SYNJ1: variants seen among roughly 807,000 people sequenced by gnomAD.
SYNJ1 encodes the protein synaptojanin 1, also known as polyphosphatidylinositol phosphatase SYNJ1.
SYNJ1 carries 78 observed loss-of-function variants against 168.2 expected under a neutral mutation model. That is an observed-to-expected ratio of 0.46 (90% CI 0.39 to 0.56). SYNJ1 has a LOEUF of 0.56. Among genes scored for constraint, SYNJ1 ranks in the 20% least tolerant of loss-of-function variants. SYNJ1 has a pLI of 0.00. For missense variants in SYNJ1, 1,303 were observed against 1,597.6 expected (o/e 0.82, Z 3.14); for synonymous variants, 539 against 548.6 (o/e 0.98, Z 0.24).
intron 15 of SYNJ1, among the ~76,000 whole-genome samples, chr21:32,668,664 T>C (rs1235264243): frequency 6.6e-6 from 1 of 152,222 alleles, no homozygotes; most frequent in African/African-American, 2.4e-5. Context: ...TCATAAAAGA[T>C]GGGAAACTGC....
intron 31 of SYNJ1, among the ~76,000 whole-genome samples, chr21:32,636,098 A>T (rs2039554777): frequency 6.6e-6 from 1 of 152,188 alleles, no homozygotes; most frequent in Non-Finnish European, 1.5e-5. Flanking sequence ...TGGACAGGAG[A>T]TCAGGAATAG....
chr21:32,701,519 T>C (rs148606184), intron 3 of SYNJ1, among the ~76,000 whole-genome samples: 1,752 of 151,530 alleles, frequency 0.012, 21 homozygotes, highest in Middle Eastern at 0.048. Flanking sequence ...AAGGTTACTC[T>C]GCAGCTCACG....
In SYNJ1 at chr21:32,701,992, A is replaced by G; in HGVS notation, c.180T>C (p.Tyr60=). 5 of 1,577,970 alleles carry G rather than the reference A, an allele frequency of 3.2e-6. No homozygotes were observed. Among genetic ancestry groups the G allele is most frequent in the Admixed American group, 1.7e-5 (1 of 59,244 alleles). ...KGTYSKVLDA[Y]GLLGVLRLNL... The stretch of plus-strand genomic sequence containing the variant: ...TTAACCGCAGAACACCTAAGAGTCC[A>G]TATGCATCCAGTACTTTGGAGTATG... Residue 60 remains tyrosine (Y), a synonymous_variant, in exon 3 of 33, where the codon TAT becomes TAC. Coordinates refer to ENST00000674351, the MANE Select transcript of SYNJ1 (RefSeq NM_203446.3).
At chr21:32,705,783 C>T (rs902820774) in intron 2 of SYNJ1, among the ~76,000 whole-genome samples, 9 of 152,028 alleles carry the variant, frequency 5.9e-5, no homozygotes, top group East Asian at 1.9e-4. Context: ...CCCAGGAGTT[C>T]GAGACCAGCC....
intron 17 of SYNJ1, 138 bp downstream of exon 17, chr21:32,665,805 A>G (rs568792853): frequency 1.0e-6 from 1 of 952,754 alleles, no homozygotes; most frequent in Admixed American, 3.2e-5. Context: ...GTTAATACTC[A>G]TGAAATATCT....
chr21:32,697,057 G>A (rs2042238513), intron 4 of SYNJ1, among the ~76,000 whole-genome samples: 2 of 152,198 alleles, frequency 1.3e-5, no homozygotes, highest in African/African-American at 4.8e-5. Flanking sequence ...CATTTAAATA[G>A]ACCTTAAATC....
In SYNJ1 at chr21:32,666,553, C is replaced by A. The variant is rs1481650772; in HGVS notation, c.1832G>T (p.Trp611Leu). Residue 611 changes from tryptophan to leucine, a missense_variant, in exon 16 of 33, where the codon TGG becomes TTG. Transcript: ENST00000674351. ...GATTGTCTTCTGAAGTTCTACAGCC[C>A]AGAGCTTCTGATTTGTTGTGCTACA... ...VSASTTNQKL[W>L]AVELQKTISR... 3 of 1,612,234 alleles carry A rather than the reference C, an allele frequency of 1.9e-6. No individual in the cohort carries two copies. Among genetic ancestry groups the A allele is most frequent in the Non-Finnish European group, 2.5e-6 (3 of 1,179,556 alleles).
At chr21:32,672,251 T>C (rs2041233362) in intron 14 of SYNJ1, among the ~76,000 whole-genome samples, 1 of 151,992 alleles carries the variant, frequency 6.6e-6, no homozygotes, top group Non-Finnish European at 1.5e-5. Flanking sequence ...GGTAATTATA[T>C]ACTATTTTAA....
Position 32,727,977 on chromosome 21 carries a change from C to G in SYNJ1, c.-54G>C. 2.0e-6 allele frequency: 3 copies of G among 1,535,230 alleles called. No homozygotes were observed. The highest frequency in any genetic ancestry group is 1.7e-6 in the Non-Finnish European group (2 of 1,146,040). Reference sequence around the variant, plus strand: ...CTCCGGCTCCTCCTCCTCCTTCTCCCGCAGCCGCCGCCACAGCCGCCGGGA... The same window carrying G: ...CTCCGGCTCCTCCTCCTCCTTCTCCGGCAGCCGCCGCCACAGCCGCCGGGA... On this transcript the variant is annotated 5_prime_UTR_variant, in exon 1 of 33. Coordinates refer to ENST00000674351, the MANE Select transcript of SYNJ1 (RefSeq NM_203446.3).
chr21:32,641,842 A>G, intron 29 of SYNJ1, 54 bp downstream of exon 29: 2 of 1,353,496 alleles, frequency 1.5e-6, no homozygotes, highest in Non-Finnish European at 2.1e-6. Flanking sequence ...ACTGACTAGT[A>G]GTAAACAGGA....
At position 32,638,897 on chromosome 21, in the gene SYNJ1, A is replaced by G; in HGVS notation, c.3915+11T>C. On this transcript the variant is annotated intron_variant, in intron 31 of 32. Coordinates refer to ENST00000674351, the MANE Select transcript of SYNJ1 (RefSeq NM_203446.3). The stretch of plus-strand genomic sequence containing the variant: ...TCAAAGATAATATTTTGTGTAACAA[A>G]TGAGACTTACTTGCGGTTGTGAGGA... 1.3e-6 allele frequency: 2 copies of G among 1,585,654 alleles called. No homozygotes were observed. The highest frequency in any genetic ancestry group is 1.7e-6 in the Non-Finnish European group (2 of 1,163,050).
intron 32 of SYNJ1, among the ~76,000 whole-genome samples, chr21:32,634,047 T>A (rs1185495826): frequency 6.6e-6 from 1 of 152,188 alleles, no homozygotes; most frequent in Non-Finnish European, 1.5e-5. Context: ...TGAGACAAAA[T>A]TCTCCTATGG....
rs1285744314 is a variant in SYNJ1, at chr21:32,726,758, A to C, written c.124+14T>G. The C allele has an allele frequency of 3.1e-6, 5 of 1,613,748 alleles. No homozygotes were observed. On this transcript the variant is annotated intron_variant, in intron 2 of 32. Coordinates refer to ENST00000674351, the MANE Select transcript of SYNJ1 (RefSeq NM_203446.3). ...CAGAGACCATGACAAATTGGGCTCT[A>C]ACAGATGACTTACAGAGCACAGCGA...
rs863624 is a variant in SYNJ1 at position 32,650,904 on chromosome 21, C to A, written c.2875-558G>T. On this transcript the variant is annotated intron_variant, in intron 22 of 32. Transcript: ENST00000674351. ...AGAACTGAACACCATTTTAAATCTTCAACAAAAATTAATCATTCTAAAAAC... is the reference window on the plus strand; with the variant it reads ...AGAACTGAACACCATTTTAAATCTTAAACAAAAATTAATCATTCTAAAAAC... 9.5e-3 allele frequency among the ~76,000 whole-genome samples: 1,443 copies of A among 152,270 alleles called. 19 individuals are homozygous for A. The highest frequency in any genetic ancestry group is 0.033 in the African/African-American group (1,380 of 41,556).
At chr21:32,685,675 T>C in intron 9 of SYNJ1, 73 bp downstream of exon 9, 1 of 1,086,772 alleles carries the variant, frequency 9.2e-7, no homozygotes, top group Admixed American at 3.2e-5. Flanking sequence ...AAAGAAAATT[T>C]AAGAGTTCAA....
At chr21:32,665,286 C>T (rs1240719829) in intron 17 of SYNJ1, among the ~76,000 whole-genome samples, 2 of 152,296 alleles carry the variant, frequency 1.3e-5, no homozygotes, top group South Asian at 4.1e-4. Context: ...GGTAAACCTG[C>T]CTCCCATTTT....
chr21:32,653,427 A>T, intron 21 of SYNJ1, 61 bp from the exon 22 acceptor site: 3 of 1,283,246 alleles, frequency 2.3e-6, no homozygotes, highest in Non-Finnish European at 3.4e-6. Context: ...CTCAGTGACT[A>T]CTCCCATGAT....
intron 1 of SYNJ1, among the ~76,000 whole-genome samples, chr21:32,727,255 C>T (rs565211947): frequency 3.7e-4 from 57 of 152,302 alleles, no homozygotes; most frequent in African/African-American, 1.3e-3. Flanking sequence ...TATCAGCTTC[C>T]TGCTTCAAGA....
intron 18 of SYNJ1, 69 bp from the exon 19 acceptor site, chr21:32,657,941 A>G: frequency 7.9e-7 from 1 of 1,266,412 alleles, no homozygotes; most frequent in Non-Finnish European, 1.1e-6. Flanking sequence ...TCAGACAGTC[A>G]TCCATTAAAT....
Sources: allele counts gnomAD v4.1 joint callset (sites outside exome capture counted in the v4.1 genomes callset), GRCh38; gene constraint gnomAD v4.1.1; transcripts MANE v1.5; gene names NCBI Gene and HGNC (gene_info 2026-07-23, HGNC 2026-07-21).